The following REG1A variants were observed in gnomAD, a reference collection of about 807,000 sequenced individuals.
REG1A encodes regenerating family member 1 alpha.
REG1A carries 20 observed loss-of-function variants against 20.7 expected under a neutral mutation model. That is an observed-to-expected ratio of 0.97 (90% CI 0.68 to 1.41). The LOEUF is 1.41. Among genes scored for constraint, REG1A ranks in the 40% most tolerant of loss-of-function variants. The probability of loss-of-function intolerance (pLI) is 0.00; values close to 1 mark genes in which losing one functional copy is unlikely to be tolerated. For synonymous variants in REG1A, 90 were observed against 71.6 expected (o/e 1.26, Z -1.30); for missense variants, 193 against 201.8 (o/e 0.96, Z 0.26).
chr2:79,121,944 A>C, intron 3 of REG1A, 44 bp from the exon 4 acceptor site: 1 of 1,608,052 alleles, frequency 6.2e-7, no homozygotes, highest in South Asian at 1.1e-5. Flanking sequence ...TATATCCGTC[A>C]CAACTTCCTC....
intron 4 of REG1A, 146 bp from the exon 5 acceptor site, chr2:79,122,695 G>T: frequency 3.1e-6 from 2 of 653,926 alleles, no homozygotes; most frequent in Non-Finnish European, 2.7e-6. Context: ...AAGAAGTTTA[G>T]AGCAATAGCA....
Position 79,122,968 on chromosome 2 carries a change from TC to T in REG1A, c.433+18del, listed in dbSNP as rs1344849693. 7.5e-6 allele frequency: 12 copies of T among 1,599,190 alleles called. No homozygotes were observed. Among genetic ancestry groups the T allele is most frequent in the Non-Finnish European group, 1.0e-5 (12 of 1,166,472 alleles). On this transcript the variant is annotated intron_variant, in intron 5 of 5. Coordinates refer to ENST00000233735, the MANE Select transcript of REG1A (RefSeq NM_002909.5). ...TCAAGCACAGGTGAGAGGCAGAGAA[TC>T]CATCCACCTGTTTCTGTTCTCTCCT...
chr2:79,121,382 T>C (rs1317427807), intron 2 of REG1A, among the ~76,000 whole-genome samples, 180 bp from the exon 3 acceptor site: 1 of 152,180 alleles, frequency 6.6e-6, no homozygotes, highest in African/African-American at 2.4e-5. Context: ...ATTCTGTTTT[T>C]TTTCCCCTGA....
chr2:79,122,050 C>T lies in REG1A; in HGVS notation c.246C>T (p.Ala82=). 1.2e-6 allele frequency: 2 copies of T among 1,614,048 alleles called. No individual in the cohort carries two copies. Among genetic ancestry groups the T allele is most frequent in the Non-Finnish European group, 1.7e-6 (2 of 1,179,986 alleles). ...CTGTGCTCACCCAGGCCGAGGGTGC[C>T]TTTGTGGCCTCACTGATTAAGGAGA... is the stretch of plus-strand genomic sequence containing the variant. ...LVSVLTQAEG[A]FVASLIKESG... is the part of the protein sequence containing the mutation. The change falls in exon 4 of 6, where the codon GCC becomes GCT. Residue 82 remains alanine (A), a synonymous_variant. Coordinates refer to ENST00000233735, the MANE Select transcript of REG1A (RefSeq NM_002909.5).
At position 79,123,181 on chromosome 2, in the gene REG1A, A is replaced by G. The variant is rs753867394; in HGVS notation, c.467A>G (p.Asp156Gly). The stretch of plus-strand genomic sequence containing the variant: ...AAATGGAAGGATGTGCCTTGTGAAG[A>G]CAAGTTCTCCTTTGTCTGCAAGTTC... ...FQKWKDVPCE[D>G]KFSFVCKFKN Residue 156 changes from aspartate to glycine, a missense_variant, in exon 6 of 6, where the codon GAC becomes GGC. Asp to Gly is a moderately conservative substitution (Grantham distance 94). Transcript: ENST00000233735. 1.2e-6 allele frequency: 2 copies of G among 1,613,206 alleles called. No homozygotes were observed. The highest frequency in any genetic ancestry group is 8.5e-7 in the Non-Finnish European group (1 of 1,179,308).
At position 79,122,082 on chromosome 2, in the gene REG1A, C is replaced by G; in HGVS notation, c.278C>G (p.Thr93Ser). 1 of 1,614,118 alleles carries G rather than the reference C, an allele frequency of 6.2e-7. No individual in the cohort carries two copies. Among genetic ancestry groups the G allele is most frequent in the South Asian group, 1.1e-5 (1 of 91,086 alleles). Residue 93 changes from threonine (T) to serine (S), a missense_variant, in exon 4 of 6, where the codon ACT (threonine) becomes AGT (serine). Coordinates refer to ENST00000233735, the MANE Select transcript of REG1A (RefSeq NM_002909.5). Reference protein sequence around the residue: ...FVASLIKESGTDDFNVWIGLH... With the variant: ...FVASLIKESGSDDFNVWIGLH... ...GCCTCACTGATTAAGGAGAGTGGCA[C>G]TGATGACTTCAATGTCTGGATTGGC...
chr2:79,121,318 G>C (rs1224357926), intron 2 of REG1A, among the ~76,000 whole-genome samples: 1 of 152,128 alleles, frequency 6.6e-6, no homozygotes. Context: ...AGGTAGAAGA[G>C]CCTGAGCTCC....
chr2:79,120,631 G>T (rs1402952309), intron 1 of REG1A, 117 bp downstream of exon 1: 3 of 397,378 alleles, frequency 7.5e-6, no homozygotes, highest in Non-Finnish European at 1.3e-5. Context: ...AAGCCTCAGT[G>T]GGATCCAAAG....
In REG1A at chr2:79,123,298, A is replaced by C. The variant is rs1018644701; in HGVS notation, c.*83A>C. On this transcript the variant is annotated 3_prime_UTR_variant, in exon 6 of 6. Coordinates refer to ENST00000233735, the MANE Select transcript of REG1A (RefSeq NM_002909.5). ...TTAAACCGGACCATCTCTCCAACTC[A>C]ACTCAACCTGGACACTCTCTTCTCT... is the stretch of plus-strand genomic sequence containing the variant. 3.2e-5 allele frequency: 26 copies of C among 822,762 alleles called. No individual in the cohort carries two copies. Among genetic ancestry groups the C allele is most frequent in the Non-Finnish European group, 5.0e-5 (25 of 502,912 alleles). The allele number at this position is 822,762 out of a possible 1,614,324, so 51.0% of individuals were successfully genotyped here. A position where few individuals can be genotyped will look rare whatever the true frequency, so the allele number is the denominator to read the frequency against.
Position 79,120,814 on chromosome 2 carries a change from A to C in REG1A, c.-46-2A>C. The C allele has an allele frequency of 7.0e-5, 104 of 1,492,934 alleles. No homozygotes were observed. The highest frequency in any genetic ancestry group is 8.5e-5 in the Non-Finnish European group (92 of 1,079,764). The allele number at this position is 1,492,934 out of a possible 1,614,324, so 92.5% of individuals were successfully genotyped here. ...AACCCCCTTCTCTGTGTTCTCCTAT[A>C]GAGATTGTTGATTTGCCTCTTAAGC... On this transcript the variant is annotated splice_acceptor_variant, in intron 1 of 5. Coordinates refer to ENST00000233735, the MANE Select transcript of REG1A (RefSeq NM_002909.5). LOFTEE classifies it low-confidence loss of function (5UTR_SPLICE).
chr2:79,122,287 G>T, intron 4 of REG1A, 162 bp downstream of exon 4: 1 of 672,354 alleles, frequency 1.5e-6, no homozygotes, highest in Non-Finnish European at 2.4e-6. Flanking sequence ...TAGATGATTG[G>T]AGATATAAGT....
At chr2:79,123,049 T>TATATATA (rs1377267917) in intron 5 of REG1A, 97 bp downstream of exon 5, 1 of 1,434,702 alleles carries the variant, frequency 7.0e-7, no homozygotes, top group African/African-American at 1.4e-5. Flanking sequence ...GAACTCCTCA[T>TATATATA]TAAGGAAATG....
chr2:79,121,175 T>C (rs1320439087), intron 2 of REG1A, among the ~76,000 whole-genome samples: 4 of 152,188 alleles, frequency 2.6e-5, no homozygotes, highest in African/African-American at 9.7e-5. Flanking sequence ...GTTTATCTGA[T>C]TAAATTTATA....
At chr2:79,123,056 A>G (rs1672911196) in intron 5 of REG1A, 92 bp from the exon 6 acceptor site, 1 of 1,444,894 alleles carries the variant, frequency 6.9e-7, no homozygotes, top group South Asian at 1.2e-5. Flanking sequence ...TCATTAAGGA[A>G]ATGGATGTTT....
intron 3 of REG1A, 132 bp from the exon 4 acceptor site, chr2:79,121,856 A>G: frequency 1.4e-6 from 2 of 1,403,162 alleles, no homozygotes; most frequent in Non-Finnish European, 2.0e-6. Context: ...AGCACAAAGA[A>G]CCTGGTGGTC....
rs762511012 is a variant in REG1A at position 79,121,761 on chromosome 2, AATGAG to A, written c.183+88_183+92del. On this transcript the variant is annotated intron_variant, in intron 3 of 5. Coordinates refer to ENST00000233735, the MANE Select transcript of REG1A (RefSeq NM_002909.5). Reference sequence around the variant, plus strand: ...ACTCTCCAGTGTGTTCAGTGGCTGCAATGAGATGAGACTGAACCCCTTGCTATACT... The same window carrying A: ...ACTCTCCAGTGTGTTCAGTGGCTGCAATGAGACTGAACCCCTTGCTATACT... 3.8e-5 allele frequency: 54 copies of A among 1,411,596 alleles called. No individual in the cohort carries two copies. In the Admixed American group the frequency reaches 8.9e-4, roughly 23 times the overall value. 87.4% of individuals were successfully genotyped at this position (1,411,596 alleles called of 1,614,324 possible).
intron 2 of REG1A, 61 bp downstream of exon 2, chr2:79,120,986 A>C: frequency 5.4e-6 from 7 of 1,306,960 alleles, no homozygotes; most frequent in Non-Finnish European, 7.5e-6. Context: ...TCTATCCCCA[A>C]GCATACGGGT....
Position 79,120,875 on chromosome 2 carries a change from G to C in REG1A, c.14G>C (p.Ser5Thr). 6.2e-7 allele frequency: 1 copy of C among 1,612,968 alleles called. No individual in the cohort carries two copies. Among genetic ancestry groups the C allele is most frequent in the Non-Finnish European group, 8.5e-7 (1 of 1,179,368 alleles). The change falls in exon 2 of 6, where the codon AGC (serine) becomes ACC (threonine). Residue 5 changes from serine (S) to threonine (T), a missense_variant. Physicochemically the swap from Ser to Thr is moderately conservative, Grantham distance 58. Transcript: ENST00000233735. MAQT[S>T]SYFMLISCLM... Reference sequence around the variant, plus strand: ...TTGCAGCTCAGCATGGCTCAGACCAGCTCATACTTCATGCTGATCTCCTGC... The same window carrying C: ...TTGCAGCTCAGCATGGCTCAGACCACCTCATACTTCATGCTGATCTCCTGC...
chr2:79,122,126 G>A lies in REG1A; in HGVS notation c.321+1G>A, dbSNP rs764212170. 6.2e-7 allele frequency: 1 copy of A among 1,613,786 alleles called. No individual in the cohort carries two copies. Among genetic ancestry groups the A allele is most frequent in the African/African-American group, 1.3e-5 (1 of 75,022 alleles). On this transcript the variant is annotated splice_donor_variant, in intron 4 of 5. Transcript: ENST00000233735. LOFTEE classifies it high-confidence loss of function. Reference sequence around the variant, plus strand: ...GATTGGCCTCCATGACCCCAAAAAGGTAGGCTGCAGCCTTCTTTATCTCCT... The same window carrying A: ...GATTGGCCTCCATGACCCCAAAAAGATAGGCTGCAGCCTTCTTTATCTCCT...
Sources: gnomAD v4.1 joint callset for allele counts (sites outside exome capture counted in the v4.1 genomes callset) on GRCh38, gnomAD v4.1.1 for gene constraint, MANE v1.5 for transcripts, NCBI Gene and HGNC (gene_info 2026-07-23, HGNC 2026-07-21) for gene names.